KIFBP: variants seen among roughly 807,000 people sequenced by gnomAD.
KIFBP encodes the protein kinesin family binding protein, also known as KIF-binding protein.
A neutral mutation model predicts 58.9 loss-of-function variants in KIFBP; 46 were observed. The observed-to-expected ratio is 0.78, with a 90% CI of 0.62 to 1.00. The LOEUF (loss-of-function observed/expected upper bound fraction) is 1.00. KIFBP is among the 50% of genes least tolerant of loss of function. The pLI is 0.00. For missense variants in KIFBP, 651 were observed against 752.9 expected (o/e 0.86, Z 1.58); for synonymous variants, 241 against 283.4 (o/e 0.85, Z 1.50).
chr10:69,005,836 G>T lies in KIFBP; in HGVS notation c.710G>T (p.Arg237Leu), dbSNP rs760604068. Residue 237 changes from arginine to leucine, a missense_variant, in exon 4 of 7, where the codon CGC becomes CTC. Physicochemically the swap from Arg to Leu is moderately radical, Grantham distance 102 (BLOSUM62 -2). Coordinates refer to ENST00000361983, the MANE Select transcript of KIFBP (RefSeq NM_015634.4). ...AAHYCHSTLK[R>L]QLEHNAYHPI... ...CACTATTGCCATAGTACACTAAAAC[G>T]CCAGCTTGAGCACAATGCCTACCAT... The T allele has an allele frequency of 3.7e-6, 6 of 1,613,868 alleles. No homozygotes were observed. The highest frequency in any genetic ancestry group is 4.2e-6 in the Non-Finnish European group (5 of 1,179,984).
At chr10:69,008,714 AG>A (rs1843562469) in intron 4 of KIFBP, 126 bp from the exon 5 acceptor site, 7 of 772,938 alleles carry the variant, frequency 9.1e-6, no homozygotes, top group Non-Finnish European at 1.6e-5. Flanking sequence ...GCAACTCTAC[AG>A]GGCCTCCTTT....
intron 4 of KIFBP, 68 bp from the exon 5 acceptor site, chr10:69,008,773 T>A: frequency 8.4e-7 from 1 of 1,190,060 alleles, no homozygotes; most frequent in Non-Finnish European, 1.3e-6. Context: ...TAAAAGAAAT[T>A]ATGCAAGTAT....
chr10:68,996,644 G>A (rs533708565), intron 1 of KIFBP, among the ~76,000 whole-genome samples: 28 of 152,096 alleles, frequency 1.8e-4, no homozygotes, highest in Middle Eastern at 3.4e-3. Flanking sequence ...CCTGAGGTCA[G>A]CAGTTCGAGA....
chr10:69,014,437 G>A (rs1365910339), intron 6 of KIFBP, among the ~76,000 whole-genome samples: 1 of 152,176 alleles, frequency 6.6e-6, no homozygotes, highest in Admixed American at 6.5e-5. Context: ...ATATCAGAAG[G>A]GATGGAGCAA....
At chr10:69,011,169 G>A (rs1000277009) in intron 6 of KIFBP, 154 bp downstream of exon 6, 21 of 656,388 alleles carry the variant, frequency 3.2e-5, no homozygotes, top group African/African-American at 1.3e-4. Context: ...GTTTTAAATC[G>A]TATTCTTCGA....
chr10:69,000,065 A>C (rs981560476), intron 1 of KIFBP, among the ~76,000 whole-genome samples: 4 of 151,264 alleles, frequency 2.6e-5, no homozygotes, highest in African/African-American at 9.7e-5. Context: ...AAAAAAAAAA[A>C]GCAGGCAATA....
At chr10:69,008,368 C>T (rs1843555308) in intron 4 of KIFBP, among the ~76,000 whole-genome samples, 1 of 90,144 alleles carries the variant, frequency 1.1e-5, no homozygotes, top group African/African-American at 6.8e-5. Flanking sequence ...GAGTGAGACC[C>T]CTGTCTCGTA....
At chr10:69,010,101 A>G (rs1205786508) in intron 5 of KIFBP, among the ~76,000 whole-genome samples, 1 of 152,194 alleles carries the variant, frequency 6.6e-6, no homozygotes, top group Admixed American at 6.5e-5. Flanking sequence ...CTTTATTTAA[A>G]GTAATATCGT....
rs1465710834 is a variant in KIFBP, at chr10:69,008,852, G to A, written c.801G>A (p.Met267Ile). ...TATTTCCCCAATAGCTATGCTTTAT[G>A]GAGGCCAGGCACTGTTTATCAGCTG... is the stretch of plus-strand genomic sequence containing the variant. Reference protein sequence around the residue: ...SQFYINKLCFMEARHCLSAAN... With the variant: ...SQFYINKLCFIEARHCLSAAN... Residue 267 changes from methionine to isoleucine, a missense_variant, in exon 5 of 7, where the codon ATG becomes ATA. By Grantham distance (10) the Met-to-Ile change is conservative. Transcript: ENST00000361983. The A allele has an allele frequency of 6.2e-7, 1 of 1,613,154 alleles. No homozygotes were observed. Among genetic ancestry groups the A allele is most frequent in the Non-Finnish European group, 8.5e-7 (1 of 1,179,398 alleles).
chr10:68,991,401 G>A lies in KIFBP; in HGVS notation c.426+2143G>A, dbSNP rs532037503. On this transcript the variant is annotated intron_variant, in intron 1 of 6. Transcript: ENST00000361983. Reference sequence around the variant, plus strand: ...ATACACAAGTTTCTGGATATTGCAAGACAGAATATTTCTTTCCTACAAAAA... The same window carrying A: ...ATACACAAGTTTCTGGATATTGCAAAACAGAATATTTCTTTCCTACAAAAA... The A allele has an allele frequency of 8.7e-6, 3 of 343,216 alleles. No homozygotes were observed. In the East Asian group the frequency reaches 2.4e-4, roughly 27 times the overall value. The allele number at this position is 343,216 out of a possible 1,614,324, so 21.3% of individuals were successfully genotyped here.
At position 69,008,841 on chromosome 10, in the gene KIFBP, C is replaced by G. The variant is rs1843563504; in HGVS notation, c.790C>G (p.Leu264Val). Residue 264 changes from leucine (L) to valine (V), a missense_variant and splice_region_variant, in exon 5 of 7, where the codon CTA becomes GTA. By Grantham distance (32) the Leu-to-Val change is conservative. Coordinates refer to ENST00000361983, the MANE Select transcript of KIFBP (RefSeq NM_015634.4). ...ATLSQFYINKLCFMEARHCLS... is the reference protein window; with the variant it reads ...ATLSQFYINKVCFMEARHCLS... ...TCACTGTTGTTTATTTCCCCAATAG[C>G]TATGCTTTATGGAGGCCAGGCACTG... is the stretch of plus-strand genomic sequence containing the variant. The G allele has an allele frequency of 1.2e-6, 2 of 1,610,840 alleles. No homozygotes were observed. Among genetic ancestry groups the G allele is most frequent in the Admixed American group, 1.7e-5 (1 of 59,982 alleles).
At position 68,998,934 on chromosome 10, in the gene KIFBP, C is replaced by G. The variant is rs1422070315; in HGVS notation, c.427-1490C>G. On this transcript the variant is annotated intron_variant, in intron 1 of 6. Coordinates refer to ENST00000361983, the MANE Select transcript of KIFBP (RefSeq NM_015634.4). ...GGGATTACAGGCATCTGCCACCACACTCGGCTAAATTTTTTTTGTATTTTT... is the reference window on the plus strand; with the variant it reads ...GGGATTACAGGCATCTGCCACCACAGTCGGCTAAATTTTTTTTGTATTTTT... Among the ~76,000 whole-genome samples the G allele has an allele frequency of 3.3e-5, 5 of 151,226 alleles. No individual in the cohort carries two copies. The East Asian group carries it at 9.7e-4, about 29-fold the overall frequency.
chr10:69,006,017 G>A, intron 4 of KIFBP, 102 bp downstream of exon 4: 4 of 1,147,690 alleles, frequency 3.5e-6, no homozygotes, highest in East Asian at 2.6e-5. Flanking sequence ...CAGGTAGCTT[G>A]TATTTTATGA....
At chr10:69,000,360 A>G in intron 1 of KIFBP, 64 bp from the exon 2 acceptor site, 2 of 1,105,226 alleles carry the variant, frequency 1.8e-6, no homozygotes, top group Admixed American at 3.4e-5. Flanking sequence ...CTTCAAAACT[A>G]TGAAAGTTAC....
At chr10:68,995,446 A>ATTGATTTT in intron 1 of KIFBP, among the ~76,000 whole-genome samples, 1 of 152,142 alleles carries the variant, frequency 6.6e-6, no homozygotes, top group African/African-American at 2.4e-5. Context: ...GGTGGATTAC[A>ATTGATTTT]TTGATTTTTG....
rs746551232 is a variant in KIFBP at position 69,016,221 on chromosome 10, C to T, written c.1671C>T (p.Ile557=). 1.3e-5 allele frequency: 21 copies of T among 1,611,208 alleles called. No homozygotes were observed. In the South Asian group the frequency reaches 2.2e-4, roughly 17 times the overall value. The change falls in exon 7 of 7, where the codon ATC becomes ATT. Residue 557 remains isoleucine, a synonymous_variant. Coordinates refer to ENST00000361983, the MANE Select transcript of KIFBP (RefSeq NM_015634.4). ...KFRVARLYGK[I]ITADPKKELE... is the part of the protein sequence containing the mutation. ...GAGTTGCCCGTCTCTATGGCAAAATCATTACTGCAGATCCCAAGAAAGAGC... is the reference window on the plus strand; with the variant it reads ...GAGTTGCCCGTCTCTATGGCAAAATTATTACTGCAGATCCCAAGAAAGAGC...
At chr10:68,991,397 GC>G in intron 1 of KIFBP, 1 of 343,684 alleles carries the variant, frequency 2.9e-6, no homozygotes, top group Non-Finnish European at 6.1e-6. Context: ...TCTGGATATT[GC>G]AAGACAGAAT....
intron 1 of KIFBP, among the ~76,000 whole-genome samples, chr10:68,992,020 A>C (rs929843115): frequency 6.6e-6 from 1 of 151,244 alleles, no homozygotes; most frequent in Non-Finnish European, 1.5e-5. Flanking sequence ...TTGAGACAGA[A>C]TCTTCCTCTG....
intron 1 of KIFBP, among the ~76,000 whole-genome samples, chr10:68,998,772 T>TATATA (rs55852817): frequency 0.053 from 3,316 of 62,830 alleles, 83 homozygotes; most frequent in African/African-American, 0.14. Context: ...TATATATATA[T>TATATA]TTTTTTTTTT....
Sources: gnomAD v4.1 joint callset for allele counts (sites outside exome capture counted in the v4.1 genomes callset) on GRCh38, gnomAD v4.1.1 for gene constraint, MANE v1.5 for transcripts, NCBI Gene and HGNC (gene_info 2026-07-23, HGNC 2026-07-21) for gene names.